The following NUDT3 variants were observed in gnomAD, a reference collection of about 807,000 sequenced individuals.
NUDT3 encodes diphosphoinositol polyphosphate phosphohydrolase 1.
A neutral mutation model predicts 23.6 loss-of-function variants in NUDT3; 9 were observed. That is an observed-to-expected ratio of 0.38 (90% CI 0.23 to 0.66). NUDT3 has a LOEUF of 0.66. Among genes scored for constraint, NUDT3 ranks in the 30% least tolerant of loss-of-function variants. The probability of loss-of-function intolerance (pLI) is 0.52; values close to 1 mark genes in which losing one functional copy is unlikely to be tolerated. For synonymous variants in NUDT3, 86 were observed against 82.6 expected (o/e 1.04, Z -0.22); for missense variants, 172 against 218.5 (o/e 0.79, Z 1.34).
At chr6:34,309,642 G>A (rs1763739894) in intron 2 of NUDT3, among the ~76,000 whole-genome samples, 1 of 151,774 alleles carries the variant, frequency 6.6e-6, no homozygotes, top group African/African-American at 2.4e-5. Context: ...GTATACAAAC[G>A]TATGTTTAAA....
At chr6:34,351,216 A>AAAAAAAAAAAAAAAAAC (rs1561915130) in intron 1 of NUDT3, among the ~76,000 whole-genome samples, 2 of 130,816 alleles carry the variant, frequency 1.5e-5, no homozygotes, top group African/African-American at 6.7e-5. Flanking sequence ...AAAAAAAAAA[A>AAAAAAAAAAAAAAAAAC]AAAAAAAAAA....
intron 1 of NUDT3, among the ~76,000 whole-genome samples, chr6:34,361,971 T>C (rs1434457362): frequency 6.6e-6 from 1 of 152,138 alleles, no homozygotes; most frequent in Non-Finnish European, 1.5e-5. Flanking sequence ...AAGAGAGAAC[T>C]CTAATGTAAA....
At chr6:34,312,798 A>G (rs1402960515) in intron 2 of NUDT3, among the ~76,000 whole-genome samples, 2 of 152,218 alleles carry the variant, frequency 1.3e-5, no homozygotes, top group Non-Finnish European at 2.9e-5. Context: ...GAATGGATAA[A>G]TAAGGTGTGG....
rs1345710503 is a variant in NUDT3, at chr6:34,303,957, A to G, written c.211-8272T>C. 1.2e-4 allele frequency among the ~76,000 whole-genome samples: 19 copies of G among 152,272 alleles called. No individual in the cohort carries two copies. The East Asian group carries it at 3.7e-3, about 29-fold the overall frequency. ...ACATTTACTATCTGGCCCTTTATAG[A>G]AAGTCTGCTACGAGGCCAGGCGCAG... On this transcript the variant is annotated intron_variant, in intron 2 of 4. Coordinates refer to ENST00000607016, the MANE Select transcript of NUDT3 (RefSeq NM_006703.4).
intron 1 of NUDT3, among the ~76,000 whole-genome samples, chr6:34,349,309 T>C (rs1052431226): frequency 6.7e-6 from 1 of 149,888 alleles, no homozygotes; most frequent in East Asian, 1.9e-4. Context: ...GGTTTCCAGA[T>C]ACATAGAAAG....
At chr6:34,351,454 T>C (rs528662004) in intron 1 of NUDT3, among the ~76,000 whole-genome samples, 14 of 144,646 alleles carry the variant, frequency 9.7e-5, no homozygotes, top group Non-Finnish European at 1.8e-4. Context: ...AAAAAAAAAA[T>C]TAGAGGGCCA....
Position 34,288,613 on chromosome 6 carries a change from C to A in NUDT3, c.*140G>T. 1 of 1,163,292 alleles carries A rather than the reference C, an allele frequency of 8.6e-7. No homozygotes were observed. 72.1% of individuals were successfully genotyped at this position (1,163,292 alleles called of 1,614,324 possible). A position where few individuals can be genotyped will look rare whatever the true frequency, so the allele number is the denominator to read the frequency against. On this transcript the variant is annotated 3_prime_UTR_variant, in exon 5 of 5. Coordinates refer to ENST00000607016, the MANE Select transcript of NUDT3 (RefSeq NM_006703.4). ...ACTTAACACCAAACAGCAACATTAT[C>A]AATACACCCTTTCTTTGCTGCCCAC...
intron 1 of NUDT3, among the ~76,000 whole-genome samples, chr6:34,379,277 T>G (rs1764974079): frequency 2.6e-5 from 4 of 152,158 alleles, no homozygotes; most frequent in African/African-American, 9.6e-5. Context: ...AAGTAATCCA[T>G]GGTGGGGTAC....
At chr6:34,355,419 T>C (rs1764546700) in intron 1 of NUDT3, among the ~76,000 whole-genome samples, 1 of 152,118 alleles carries the variant, frequency 6.6e-6, no homozygotes, top group Non-Finnish European at 1.5e-5. Flanking sequence ...TATTGCTGGA[T>C]GCAAGTTGCT....
intron 2 of NUDT3, among the ~76,000 whole-genome samples, chr6:34,306,058 C>T (rs1174861323): frequency 6.6e-6 from 1 of 152,034 alleles, no homozygotes; most frequent in Non-Finnish European, 1.5e-5. Flanking sequence ...GTTATTTAAC[C>T]TCTATTTTTC....
intron 1 of NUDT3, among the ~76,000 whole-genome samples, chr6:34,363,177 G>C (rs866213892): frequency 6.6e-6 from 1 of 152,176 alleles, no homozygotes; most frequent in African/African-American, 2.4e-5. Flanking sequence ...ATTCATAGCT[G>C]GTTTATGAAC....
At chr6:34,352,357 A>G (rs1764491420) in intron 1 of NUDT3, among the ~76,000 whole-genome samples, 1 of 152,142 alleles carries the variant, frequency 6.6e-6, no homozygotes, top group South Asian at 2.1e-4. Context: ...ATTTGTAGAG[A>G]CAGGGTTTCA....
At chr6:34,368,221 T>G (rs1463380822) in intron 1 of NUDT3, among the ~76,000 whole-genome samples, 1 of 152,128 alleles carries the variant, frequency 6.6e-6, no homozygotes, top group Non-Finnish European at 1.5e-5. Flanking sequence ...AAGCTGCATC[T>G]TCCATAAAGA....
intron 2 of NUDT3, among the ~76,000 whole-genome samples, chr6:34,299,913 A>C (rs552968133): frequency 2.7e-5 from 4 of 149,884 alleles, no homozygotes; most frequent in Admixed American, 1.3e-4. Flanking sequence ...AAAAAAAAAA[A>C]ATATTTTTTT....
intron 2 of NUDT3, among the ~76,000 whole-genome samples, chr6:34,313,871 G>A (rs758327568): frequency 6.6e-6 from 1 of 152,082 alleles, no homozygotes; most frequent in African/African-American, 2.4e-5. Context: ...GCCCAGGCGG[G>A]TGGATCATCT....
chr6:34,345,657 C>T (rs1314055085), intron 1 of NUDT3, among the ~76,000 whole-genome samples: 3 of 135,542 alleles, frequency 2.2e-5, no homozygotes, highest in Admixed American at 8.1e-5. Context: ...AGCGAGACTC[C>T]GTCCCAAAAA....
At chr6:34,335,122 C>T (rs996369395) in intron 2 of NUDT3, among the ~76,000 whole-genome samples, 23 of 152,166 alleles carry the variant, frequency 1.5e-4, no homozygotes, top group African/African-American at 5.1e-4. Context: ...TGGAAACATA[C>T]AGCATGAGTG....
At chr6:34,385,614 G>C (rs963231429) in intron 1 of NUDT3, among the ~76,000 whole-genome samples, 5 of 150,726 alleles carry the variant, frequency 3.3e-5, no homozygotes, top group Admixed American at 1.3e-4. Context: ...TATGTGCAGA[G>C]TCCTTCTAGA....
intron 1 of NUDT3, among the ~76,000 whole-genome samples, chr6:34,375,387 C>A (rs1014072616): frequency 6.6e-6 from 1 of 152,082 alleles, no homozygotes; most frequent in African/African-American, 2.4e-5. Flanking sequence ...TACCAGAGTT[C>A]TAAAACAGTC....
Sources: allele counts gnomAD v4.1 joint callset (sites outside exome capture counted in the v4.1 genomes callset), GRCh38; gene constraint gnomAD v4.1.1; transcripts MANE v1.5; gene names NCBI Gene and HGNC (gene_info 2026-07-23, HGNC 2026-07-21).